Variants in CD9 observed in about 807,000 individuals in gnomAD.
CD9 encodes CD9 molecule.
Under a neutral mutation model 31.4 loss-of-function variants are expected in CD9, and 10 were observed. The ratio of observed to expected loss-of-function variants is 0.32; its 90% CI spans 0.20 to 0.54. The LOEUF (loss-of-function observed/expected upper bound fraction) is 0.54, where lower values mean the gene tolerates loss of function less well. Ranked by LOEUF, CD9 falls within the 20% of genes least tolerant of loss-of-function variation. CD9 has a pLI of 0.94. For synonymous variants in CD9, 113 were observed against 114.1 expected (o/e 0.99, Z 0.06); for missense variants, 259 against 300.1 (o/e 0.86, Z 1.01).
chr12:6,233,560 T>A, intron 4 of CD9, 74 bp downstream of exon 4: 1 of 1,138,652 alleles, frequency 8.8e-7, no homozygotes, highest in East Asian at 2.3e-5. Flanking sequence ...GGGCAAGTCC[T>A]GGCTGGGCAC....
chr12:6,235,250 T>TTTTA lies in CD9; in HGVS notation c.371_374dup (p.Lys126LeufsTer13). The TTTTA allele has an allele frequency of 6.2e-7, 1 of 1,605,984 alleles. No individual in the cohort carries two copies. On this transcript the variant is annotated frameshift_variant, in exon 5 of 8. Transcript: ENST00000009180. LOFTEE classifies it high-confidence loss of function. ...GTAGGTGATTAAGGAAGTCCAGGAG[T>TTTTA]TTTACAAGGACACCTACAACAAGCT...
rs931272770 is a variant in CD9 at position 6,214,361 on chromosome 12, T to C, written c.67-11065T>C. ...ATTAGCCTCTTTTTTTTTTTTTTTT[T>C]TTTTTTTGAGATGGGGTCTCTGTCA... On this transcript the variant is annotated intron_variant, in intron 1 of 7. Transcript: ENST00000009180. Among the ~76,000 whole-genome samples the C allele has an allele frequency of 4.9e-3, 684 of 139,668 alleles. 4 individuals are homozygous for C. The highest frequency in any genetic ancestry group is 0.018 in the African/African-American group (640 of 36,480). 91.6% of individuals were successfully genotyped at this position (139,668 alleles called of 152,430 possible).
intron 2 of CD9, 65 bp downstream of exon 2, chr12:6,225,599 A>G: frequency 9.6e-7 from 1 of 1,042,928 alleles, no homozygotes; most frequent in South Asian, 1.3e-5. Context: ...GCAACTTTGG[A>G]GGCCCCATGT....
intron 2 of CD9, among the ~76,000 whole-genome samples, chr12:6,227,584 C>T (rs143531918): frequency 8.5e-5 from 13 of 152,292 alleles, no homozygotes; most frequent in African/African-American, 3.1e-4. Context: ...CTTAGCTCTA[C>T]GAGGAGTGTG....
chr12:6,226,041 C>A (rs1183755936), intron 2 of CD9, among the ~76,000 whole-genome samples: 1 of 152,140 alleles, frequency 6.6e-6, no homozygotes, highest in Non-Finnish European at 1.5e-5. Flanking sequence ...ATGGACTCTG[C>A]CCAGTCCTTT....
intron 2 of CD9, among the ~76,000 whole-genome samples, chr12:6,229,820 C>CT (rs60302514): frequency 0.047 from 6,369 of 135,960 alleles, 155 homozygotes; most frequent in Non-Finnish European, 0.065. Context: ...ACCAGCCTTT[C>CT]TTTTTTTTTT....
Position 6,219,075 on chromosome 12 carries a change from C to G in CD9, c.67-6351C>G, listed in dbSNP as rs549540813. Among the ~76,000 whole-genome samples, 107 of 151,754 alleles carry G rather than the reference C, an allele frequency of 7.1e-4. 1 individual carries two copies. Among genetic ancestry groups the G allele is most frequent in the African/African-American group, 2.4e-3 (100 of 41,352 alleles). ...GGCTGGAGTGCAGTGGCTCAATCTC[C>G]GCTCATTGCAACCTCTGGCTCCCGG... On this transcript the variant is annotated intron_variant, in intron 1 of 7. Coordinates refer to ENST00000009180, the MANE Select transcript of CD9 (RefSeq NM_001769.4).
In CD9 at chr12:6,225,491, C is replaced by A. The variant is rs774723005; in HGVS notation, c.132C>A (p.Ile44=). ...WLRFDSQTKS[I]FEQETNNNNS... ...GATTCGACTCTCAGACCAAGAGCAT[C>A]TTCGAGCAAGAAACTAATAATAATA... The change falls in exon 2 of 8, where the codon ATC becomes ATA. Residue 44 remains isoleucine (I), a synonymous_variant. Coordinates refer to ENST00000009180, the MANE Select transcript of CD9 (RefSeq NM_001769.4). The A allele has an allele frequency of 1.7e-5, 28 of 1,613,420 alleles. No individual in the cohort carries two copies. In the South Asian group the frequency reaches 2.9e-4, roughly 16 times the overall value.
At chr12:6,228,764 G>C (rs1348635127) in intron 2 of CD9, among the ~76,000 whole-genome samples, 2 of 152,196 alleles carry the variant, frequency 1.3e-5, no homozygotes, top group Non-Finnish European at 2.9e-5. Flanking sequence ...TCTCCTAGCA[G>C]ATGAGCTTGG....
chr12:6,216,569 C>T (rs1283155213), intron 1 of CD9, among the ~76,000 whole-genome samples: 3 of 152,190 alleles, frequency 2.0e-5, no homozygotes, highest in African/African-American at 7.2e-5. Context: ...AGTTTGTGAT[C>T]CAAGGAAGGA....
At chr12:6,214,879 G>A (rs1946229003) in intron 1 of CD9, among the ~76,000 whole-genome samples, 1 of 152,108 alleles carries the variant, frequency 6.6e-6, no homozygotes, top group South Asian at 2.1e-4. Flanking sequence ...GGGCCTGGGT[G>A]GTGGATGTGC....
chr12:6,216,190 T>A (rs954018088), intron 1 of CD9, among the ~76,000 whole-genome samples: 1 of 152,150 alleles, frequency 6.6e-6, no homozygotes, highest in Non-Finnish European at 1.5e-5. Flanking sequence ...AGCCCACAGG[T>A]CTGGGTGGCC....
rs2136641280 is a variant in CD9 at position 6,236,188 on chromosome 12, C to T, written c.538-4C>T. 6.2e-7 allele frequency: 1 copy of T among 1,614,170 alleles called. No individual in the cohort carries two copies. Among genetic ancestry groups the T allele is most frequent in the African/African-American group, 1.3e-5 (1 of 75,062 alleles). ...TGACCCAGGTCTTGGTTTGTCTCCC[C>T]AAGTCCTGTCCTGATGCCATCAAAG... On this transcript the variant is annotated splice_polypyrimidine_tract_variant and splice_region_variant and intron_variant, in intron 6 of 7. Transcript: ENST00000009180.
chr12:6,228,732 T>C (rs1191047770), intron 2 of CD9, among the ~76,000 whole-genome samples: 1 of 152,212 alleles, frequency 6.6e-6, no homozygotes, highest in African/African-American at 2.4e-5. Context: ...GAGACCAGCC[T>C]TCTGTACTGG....
rs549990525 is a variant in CD9 at position 6,231,255 on chromosome 12, A to G, written c.176-1377A>G. On this transcript the variant is annotated intron_variant, in intron 2 of 7. Transcript: ENST00000009180. ...CATGCTTGGTATAATTGAGATTAAC[A>G]ACAGCTAGCATTTGTTGTGCACATG... Among the ~76,000 whole-genome samples the G allele has an allele frequency of 2.0e-5, 3 of 152,384 alleles. No homozygotes were observed. In the South Asian group the frequency reaches 6.2e-4, roughly 32 times the overall value.
Position 6,216,101 on chromosome 12 carries a change from C to T in CD9, c.67-9325C>T, listed in dbSNP as rs184867348. ...TGCTGGCACTGCCTGGCCCGGCTTC[C>T]TGAGGAGTGAATCAGCCCATCCAAG... On this transcript the variant is annotated intron_variant, in intron 1 of 7. Coordinates refer to ENST00000009180, the MANE Select transcript of CD9 (RefSeq NM_001769.4). 2.0e-5 allele frequency among the ~76,000 whole-genome samples: 3 copies of T among 152,282 alleles called. No individual in the cohort carries two copies. In the East Asian group the frequency reaches 5.8e-4, roughly 29 times the overall value.
At chr12:6,233,538 CAGTGA>C (rs1208633361) in intron 4 of CD9, 52 bp downstream of exon 4, 6 of 1,381,164 alleles carry the variant, frequency 4.3e-6, no homozygotes, top group Non-Finnish European at 6.2e-6. Context: ...GGATGGGGGA[CAGTGA>C]AGCAGGGGGC....
In CD9 at chr12:6,236,732, A is replaced by G. The variant is rs373118473; in HGVS notation, c.621+457A>G. 7.3e-5 allele frequency: 26 copies of G among 358,472 alleles called. 1 individual carries two copies. The East Asian group carries it at 8.8e-4, about 12-fold the overall frequency. 22.2% of individuals were successfully genotyped at this position (358,472 alleles called of 1,614,324 possible). On this transcript the variant is annotated intron_variant, in intron 7 of 7. Coordinates refer to ENST00000009180, the MANE Select transcript of CD9 (RefSeq NM_001769.4). ...AGCCCCTAGAAACCAACAAGGGCCA[A>G]CCAGGTTCCTTGGGGTCATGTCCTC...
Position 6,209,173 on chromosome 12 carries a change from T to C in CD9, c.66+8608T>C, listed in dbSNP as rs112343484. Among the ~76,000 whole-genome samples the C allele has an allele frequency of 4.3e-4, 66 of 152,008 alleles. 1 individual carries two copies. The highest frequency in any genetic ancestry group is 1.5e-3 in the African/African-American group (62 of 41,462). ...TAGTAGAGATGGGATTTCATCATGT[T>C]GGCCAGGCTGGTCTCACCTCAGGTG... On this transcript the variant is annotated intron_variant, in intron 1 of 7. Transcript: ENST00000009180.
Sources: allele counts gnomAD v4.1 joint callset (sites outside exome capture counted in the v4.1 genomes callset), GRCh38; gene constraint gnomAD v4.1.1; transcripts MANE v1.5; gene names NCBI Gene and HGNC (gene_info 2026-07-23, HGNC 2026-07-21).